The following PRKCSH variants were observed in gnomAD, a reference collection of about 807,000 sequenced individuals.
PRKCSH encodes the protein glucosidase 2 subunit beta.
PRKCSH carries 42 observed loss-of-function variants against 79.7 expected under a neutral mutation model. That is an observed-to-expected ratio of 0.53 (90% CI 0.41 to 0.68). The LOEUF (loss-of-function observed/expected upper bound fraction) is 0.68. Among genes scored for constraint, PRKCSH ranks in the 30% least tolerant of loss-of-function variants. PRKCSH has a pLI of 0.00. For synonymous variants in PRKCSH, 325 were observed against 288.2 expected (o/e 1.13, Z -1.29); for missense variants, 686 against 709.0 (o/e 0.97, Z 0.37).
intron 3 of PRKCSH, among the ~76,000 whole-genome samples, chr19:11,437,578 C>CAG (rs1488296534): frequency 6.6e-6 from 1 of 152,018 alleles, no homozygotes; most frequent in Non-Finnish European, 1.5e-5. Flanking sequence ...GTCTCAAACT[C>CAG]ATCACCTCAG....
intron 8 of PRKCSH, among the ~76,000 whole-genome samples, chr19:11,446,040 G>A (rs748129197): frequency 6.6e-6 from 1 of 151,978 alleles, no homozygotes; most frequent in African/African-American, 2.4e-5. Context: ...AGAGGTCATC[G>A]GACATTTGGG....
Position 11,447,001 on chromosome 19 carries a change from C to G in PRKCSH, c.763-73C>G. On this transcript the variant is annotated intron_variant, in intron 9 of 17. Transcript: ENST00000677123. This position sits in a 1 kb window ranked among gnomAD's most constrained non-coding sequence, Gnocchi z 5.6. The stretch of plus-strand genomic sequence containing the variant: ...AGCCCTCCCGTGCCTGGCACCGCAG[C>G]CCGGGTGCCGGGGTGGCCGAGATGG... 6.5e-6 allele frequency: 10 copies of G among 1,526,920 alleles called. No individual in the cohort carries two copies. The highest frequency in any genetic ancestry group is 9.1e-6 in the Non-Finnish European group (10 of 1,101,164). The allele number at this position is 1,526,920 out of a possible 1,614,324, so 94.6% of individuals were successfully genotyped here. A position where few individuals can be genotyped will look rare whatever the true frequency, so the allele number is the denominator to read the frequency against.
Position 11,448,800 on chromosome 19 carries a change from C to T in PRKCSH, c.1287-114C>T, listed in dbSNP as rs968253666. The T allele has an allele frequency of 2.2e-5, 31 of 1,421,622 alleles. No homozygotes were observed. Among genetic ancestry groups the T allele is most frequent in the Non-Finnish European group, 2.0e-6 (2 of 1,008,430 alleles). The allele number at this position is 1,421,622 out of a possible 1,614,324, so 88.1% of individuals were successfully genotyped here. A position where few individuals can be genotyped will look rare whatever the true frequency, so the allele number is the denominator to read the frequency against. On this transcript the variant is annotated intron_variant, in intron 14 of 17. Coordinates refer to ENST00000677123, the MANE Select transcript of PRKCSH (RefSeq NM_001289104.2). The surrounding 1 kb of genome is among the most constrained non-coding windows in gnomAD (Gnocchi z 4.4). ...GCCAGGGGCCAGGTTTAGGGTTGGT[C>T]ATTGGAGTTGGAGGTACCCTGTGTG...
Position 11,449,231 on chromosome 19 carries a change from C to T in PRKCSH, c.1462-35C>T, listed in dbSNP as rs764391936. On this transcript the variant is annotated intron_variant, in intron 16 of 17. Coordinates refer to ENST00000677123, the MANE Select transcript of PRKCSH (RefSeq NM_001289104.2). This position sits in a 1 kb window ranked among gnomAD's most constrained non-coding sequence, Gnocchi z 6.4. ...CGGGGAGACCCAGGCCTGGCCCAGC[C>T]GAACCCTCTCGAGCACCCGTCTGCC... is the stretch of plus-strand genomic sequence containing the variant. The T allele has an allele frequency of 2.0e-5, 33 of 1,613,442 alleles. No homozygotes were observed. Among genetic ancestry groups the T allele is most frequent in the East Asian group, 6.7e-5 (3 of 44,888 alleles).
rs1244811814 is a variant in PRKCSH, at chr19:11,448,840, G to A, written c.1287-74G>A. The A allele has an allele frequency of 1.3e-6, 2 of 1,562,234 alleles. No homozygotes were observed. Among genetic ancestry groups the A allele is most frequent in the African/African-American group, 2.7e-5 (2 of 73,690 alleles). ...TACCCTGTGTGTGGGGACTGGAGGA[G>A]GCGGTGGGGGGTGGCTGTGGGAGGA... On this transcript the variant is annotated intron_variant, in intron 14 of 17. Coordinates refer to ENST00000677123, the MANE Select transcript of PRKCSH (RefSeq NM_001289104.2). This position sits in a 1 kb window ranked among gnomAD's most constrained non-coding sequence, Gnocchi z 4.4.
At chr19:11,443,159 TC>T (rs1162345571) in intron 7 of PRKCSH, among the ~76,000 whole-genome samples, 1 of 152,016 alleles carries the variant, frequency 6.6e-6, no homozygotes, top group Non-Finnish European at 1.5e-5. Context: ...ACGCCTGTAA[TC>T]CCAGCAGTTT....
rs193263845 is a variant in PRKCSH at position 11,447,900 on chromosome 19, C to T, written c.1126+111C>T. 2 of 1,274,592 alleles carry T rather than the reference C, an allele frequency of 1.6e-6. No individual in the cohort carries two copies. Among genetic ancestry groups the T allele is most frequent in the Admixed American group, 2.6e-5 (1 of 38,912 alleles). The allele number at this position is 1,274,592 out of a possible 1,614,324, so 79.0% of individuals were successfully genotyped here. A position where few individuals can be genotyped will look rare whatever the true frequency, so the allele number is the denominator to read the frequency against. ...AGACCCTGCTCTGACTCGGCCAGCA[C>T]AAGCCCCAGTATCTTGGGGAGTCCA... On this transcript the variant is annotated intron_variant, in intron 12 of 17. Coordinates refer to ENST00000677123, the MANE Select transcript of PRKCSH (RefSeq NM_001289104.2). This position sits in a 1 kb window ranked among gnomAD's most constrained non-coding sequence, Gnocchi z 5.6.
In PRKCSH at chr19:11,446,260, A is replaced by G. The variant is rs375583717; in HGVS notation, c.684-12A>G. The G allele has an allele frequency of 6.2e-7, 1 of 1,612,258 alleles. No homozygotes were observed. Among genetic ancestry groups the G allele is most frequent in the African/African-American group, 1.3e-5 (1 of 74,630 alleles). ...CTCACCCCTCCAGTCTGCTTCTGCC[A>G]CGCCCCCGCAGGGTCTCGGTGACTG... On this transcript the variant is annotated splice_polypyrimidine_tract_variant and intron_variant, in intron 8 of 17. Transcript: ENST00000677123.
rs3217229 is a variant in PRKCSH, at chr19:11,447,525, A to AGAGGAG, written c.963_968dup (p.Glu324_Glu325dup). 2.8e-4 allele frequency: 439 copies of AGAGGAG among 1,583,922 alleles called. No homozygotes were observed. Among genetic ancestry groups the AGAGGAG allele is most frequent in the African/African-American group, 2.1e-3 (151 of 73,506 alleles). On this transcript the variant is annotated inframe_insertion, in exon 11 of 18. Transcript: ENST00000677123. This position sits in a 1 kb window ranked among gnomAD's most constrained non-coding sequence, Gnocchi z 5.6. ...AGCCGCCAGTGCCCTCGTCGCCCAC[A>AGAGGAG]GAGGAGGAGGAGGAGGAGGAGGAGG...
intron 7 of PRKCSH, among the ~76,000 whole-genome samples, chr19:11,445,167 C>T (rs967528431): frequency 2.6e-5 from 4 of 152,178 alleles, no homozygotes; most frequent in African/African-American, 7.2e-5. Context: ...CACCTTGTCC[C>T]GGTCTCCCCC....
Position 11,448,370 on chromosome 19 carries a change from T to C in PRKCSH, c.1196+79T>C. The stretch of plus-strand genomic sequence containing the variant: ...TCCCAGGGGAGCTGGTGATGGGGAA[T>C]CACTGAGGCAACCACAGGCTGGGCC... On this transcript the variant is annotated intron_variant, in intron 13 of 17. Transcript: ENST00000677123. The surrounding 1 kb of genome is among the most constrained non-coding windows in gnomAD (Gnocchi z 4.4). 1 of 1,525,254 alleles carries C rather than the reference T, an allele frequency of 6.6e-7. No individual in the cohort carries two copies. The highest frequency in any genetic ancestry group is 8.9e-7 in the Non-Finnish European group (1 of 1,121,500). 94.5% of individuals were successfully genotyped at this position (1,525,254 alleles called of 1,614,324 possible). A position where few individuals can be genotyped will look rare whatever the true frequency, so the allele number is the denominator to read the frequency against.
At chr19:11,436,006 T>A (rs1969706672) in intron 1 of PRKCSH, 35 bp from the exon 2 acceptor site, 7 of 1,426,138 alleles carry the variant, frequency 4.9e-6, no homozygotes, top group Non-Finnish European at 6.8e-6. Flanking sequence ...GAAGTAGCCC[T>A]CTCCCACTGA....
intron 6 of PRKCSH, among the ~76,000 whole-genome samples, chr19:11,441,878 G>C (rs1970078779): frequency 6.6e-6 from 1 of 152,220 alleles, no homozygotes; most frequent in Non-Finnish European, 1.5e-5. Flanking sequence ...GGGAGGGACA[G>C]CCAGCCAGGG....
chr19:11,447,295 C>G lies in PRKCSH; in HGVS notation c.849+135C>G. 5 of 1,309,318 alleles carry G rather than the reference C, an allele frequency of 3.8e-6. No individual in the cohort carries two copies. The highest frequency in any genetic ancestry group is 5.4e-6 in the Non-Finnish European group (5 of 933,340). The allele number at this position is 1,309,318 out of a possible 1,614,324, so 81.1% of individuals were successfully genotyped here. A position where few individuals can be genotyped will look rare whatever the true frequency, so the allele number is the denominator to read the frequency against. On this transcript the variant is annotated intron_variant, in intron 10 of 17. Coordinates refer to ENST00000677123, the MANE Select transcript of PRKCSH (RefSeq NM_001289104.2). This position sits in a 1 kb window ranked among gnomAD's most constrained non-coding sequence, Gnocchi z 5.6. ...GTGGCCCCAGCACCCCCCACCGAGA[C>G]CCCCCGACCCCAGCTGTCGGTCCTC...
At chr19:11,435,802 C>G in intron 1 of PRKCSH, 96 bp downstream of exon 1, 3 of 1,413,154 alleles carry the variant, frequency 2.1e-6, no homozygotes, top group Non-Finnish European at 2.8e-6. Context: ...GGCTGTTAAT[C>G]CCTTTGGTCT....
At chr19:11,446,644 C>T (rs552370497) in intron 9 of PRKCSH, among the ~76,000 whole-genome samples, 148 of 151,014 alleles carry the variant, frequency 9.8e-4, no homozygotes, top group Non-Finnish European at 1.6e-3. Context: ...CCCACACCCT[C>T]GTCCCCTGTC....
rs1970356023 is a variant in PRKCSH at position 11,447,320 on chromosome 19, C to T, written c.850-119C>T. 1.5e-6 allele frequency: 2 copies of T among 1,347,472 alleles called. No individual in the cohort carries two copies. Among genetic ancestry groups the T allele is most frequent in the Non-Finnish European group, 2.1e-6 (2 of 965,222 alleles). 83.5% of individuals were successfully genotyped at this position (1,347,472 alleles called of 1,614,324 possible). ...CCCCCCGACCCCAGCTGTCGGTCCT[C>T]CCTGCAGGCCCCGCAGGAGGGGCAG... On this transcript the variant is annotated intron_variant, in intron 10 of 17. Coordinates refer to ENST00000677123, the MANE Select transcript of PRKCSH (RefSeq NM_001289104.2). This position sits in a 1 kb window ranked among gnomAD's most constrained non-coding sequence, Gnocchi z 5.6.
rs745568807 is a variant in PRKCSH, at chr19:11,448,330, C to T, written c.1196+39C>T. The T allele has an allele frequency of 2.4e-5, 37 of 1,557,276 alleles. No individual in the cohort carries two copies. The East Asian group carries it at 5.2e-4, about 22-fold the overall frequency. On this transcript the variant is annotated intron_variant, in intron 13 of 17. Transcript: ENST00000677123. The surrounding 1 kb of genome is among the most constrained non-coding windows in gnomAD (Gnocchi z 4.4). ...AGGAGCGGGGACACCTGTCCCACAG[C>T]GACTGCTCCTTGACTCCCAGGGGAG...
intron 5 of PRKCSH, 114 bp from the exon 6 acceptor site, chr19:11,441,126 T>G: frequency 3.9e-6 from 4 of 1,029,428 alleles, no homozygotes; most frequent in Non-Finnish European, 6.2e-6. Flanking sequence ...TGCTCTCATC[T>G]TTCCCAGCAT....
Sources: allele counts gnomAD v4.1 joint callset (sites outside exome capture counted in the v4.1 genomes callset), GRCh38; gene constraint gnomAD v4.1.1; non-coding constraint Gnocchi (gnomAD v3.1); transcripts MANE v1.5; gene names NCBI Gene and HGNC (gene_info 2026-07-23, HGNC 2026-07-21).